CNTNAP2: variants seen among roughly 807,000 people sequenced by gnomAD.
CNTNAP2 encodes the protein contactin associated protein 2, also known as contactin-associated protein-like 2.
In CNTNAP2, 98 loss-of-function variants were observed where a neutral mutation model predicts 155.2. The observed-to-expected ratio is 0.63, with a 90% CI of 0.54 to 0.75. The LOEUF (loss-of-function observed/expected upper bound fraction) is 0.75. Ranked by LOEUF, CNTNAP2 falls within the 30% of genes least tolerant of loss-of-function variation. CNTNAP2 has a pLI of 0.00. For synonymous variants in CNTNAP2, 651 were observed against 631.2 expected, an observed-to-expected ratio of 1.03 and a Z score of -0.47; for missense variants, 1,727 against 1,688.1, an observed-to-expected ratio of 1.02 and a Z score of -0.40.
At chr7:146,503,048 G>GT (rs538577734) in intron 1 of CNTNAP2, among the ~76,000 whole-genome samples, 161 of 152,162 alleles carry the variant, frequency 1.1e-3, no homozygotes, top group Middle Eastern at 3.4e-3. Context: ...TAAAATCGGA[G>GT]TTTTTTTATT....
At chr7:147,213,440 A>G (rs1310930682) in intron 8 of CNTNAP2, among the ~76,000 whole-genome samples, 1 of 152,124 alleles carries the variant, frequency 6.6e-6, no homozygotes, top group Non-Finnish European at 1.5e-5. Context: ...AGTTGAGTTG[A>G]CACATCAAAC....
chr7:148,096,506 T>G (rs1422437742), intron 15 of CNTNAP2, among the ~76,000 whole-genome samples: 1 of 152,084 alleles, frequency 6.6e-6, no homozygotes, highest in Non-Finnish European at 1.5e-5. Flanking sequence ...TTTTCAGGAA[T>G]CCCTTATTAA....
At chr7:146,763,300 C>T (rs1280673538) in intron 1 of CNTNAP2, among the ~76,000 whole-genome samples, 1 of 152,114 alleles carries the variant, frequency 6.6e-6, no homozygotes, top group Admixed American at 6.5e-5. Context: ...GGCTTGTTCT[C>T]TCTTTTCCAT....
chr7:146,844,655 C>T lies in CNTNAP2; in HGVS notation c.402+4751C>T, dbSNP rs536072214. Among the ~76,000 whole-genome samples, 26 of 152,122 alleles carry T rather than the reference C, an allele frequency of 1.7e-4. No individual in the cohort carries two copies. The South Asian group carries it at 4.6e-3, about 27-fold the overall frequency. On this transcript the variant is annotated intron_variant, in intron 3 of 23. Transcript: ENST00000361727. ...TTACTGGATTTTGAATGCAGATATT[C>T]GGAGCCAAAATAGGAAACTGGAGTA...
At chr7:147,557,929 A>G (rs1799982474) in intron 11 of CNTNAP2, among the ~76,000 whole-genome samples, 1 of 152,204 alleles carries the variant, frequency 6.6e-6, no homozygotes, top group South Asian at 2.1e-4. Flanking sequence ...CAGGCGGTAA[A>G]TGACAGAAAG....
At chr7:146,460,200 T>C (rs1472791436) in intron 1 of CNTNAP2, among the ~76,000 whole-genome samples, 3 of 152,206 alleles carry the variant, frequency 2.0e-5, no homozygotes, top group Non-Finnish European at 1.5e-5. Context: ...GAATGAAGTC[T>C]AGCTTCACAG....
chr7:146,503,015 C>T (rs1236274846), intron 1 of CNTNAP2, among the ~76,000 whole-genome samples: 1 of 152,124 alleles, frequency 6.6e-6, no homozygotes, highest in Admixed American at 6.5e-5. Context: ...TGAGAAATTT[C>T]TAGTCAGATC....
chr7:147,520,148 G>T (rs1429500196), intron 11 of CNTNAP2, among the ~76,000 whole-genome samples: 1 of 152,182 alleles, frequency 6.6e-6, no homozygotes, highest in East Asian at 1.9e-4. Context: ...AGAAGCCAGA[G>T]TGTGAAAACT....
At chr7:147,125,319 T>C (rs1801210801) in intron 6 of CNTNAP2, among the ~76,000 whole-genome samples, 1 of 152,162 alleles carries the variant, frequency 6.6e-6, no homozygotes, top group Non-Finnish European at 1.5e-5. Context: ...CCGGCATATA[T>C]GGACATTTTT....
At chr7:146,908,534 C>G (rs1191626820) in intron 3 of CNTNAP2, among the ~76,000 whole-genome samples, 2 of 133,770 alleles carry the variant, frequency 1.5e-5, no homozygotes, top group African/African-American at 5.8e-5. Flanking sequence ...AACTGAACAA[C>G]CTGCTCCTGA....
At chr7:147,490,969 T>C (rs952325937) in intron 11 of CNTNAP2, among the ~76,000 whole-genome samples, 2 of 152,210 alleles carry the variant, frequency 1.3e-5, no homozygotes, top group South Asian at 2.1e-4. Flanking sequence ...GAGAATAGCA[T>C]GGAGGAACTT....
At chr7:148,003,145 G>A (rs1019799499) in intron 15 of CNTNAP2, among the ~76,000 whole-genome samples, 3 of 152,114 alleles carry the variant, frequency 2.0e-5, no homozygotes, top group Non-Finnish European at 4.4e-5. Flanking sequence ...TTCTCAAGGA[G>A]CATCAACCTC....
At chr7:147,973,160 T>TAA (rs35756000) in intron 14 of CNTNAP2, among the ~76,000 whole-genome samples, 9,176 of 120,560 alleles carry the variant, frequency 0.076, 518 homozygotes, top group Non-Finnish European at 0.1. Context: ...TCTCTAAAAT[T>TAA]AAAAAAAAAA....
chr7:148,136,597 A>G (rs951192558), intron 16 of CNTNAP2, among the ~76,000 whole-genome samples: 3 of 152,190 alleles, frequency 2.0e-5, no homozygotes, highest in African/African-American at 7.2e-5. Flanking sequence ...ATAGCAAGGC[A>G]AAATGGACTA....
intron 13 of CNTNAP2, among the ~76,000 whole-genome samples, chr7:147,884,536 T>C (rs535108765): frequency 2.0e-5 from 3 of 152,142 alleles, no homozygotes; most frequent in African/African-American, 7.2e-5. Flanking sequence ...TGAAGAGCTT[T>C]GAAGAATTGC....
chr7:146,759,681 C>CAAAAAAAAAAAAAAAAA (rs376817827), intron 1 of CNTNAP2, among the ~76,000 whole-genome samples: 4 of 54,600 alleles, frequency 7.3e-5, no homozygotes, highest in African/African-American at 1.2e-4. Flanking sequence ...GTGAGACTGT[C>CAAAAAAAAAAAAAAAAA]AAAAAAAAAA....
intron 13 of CNTNAP2, among the ~76,000 whole-genome samples, chr7:147,738,845 G>T (rs1167859112): frequency 1.3e-5 from 2 of 151,872 alleles, no homozygotes; most frequent in Non-Finnish European, 2.9e-5. Context: ...AGTACAGACA[G>T]GGTTTCGCCA....
At chr7:148,217,899 C>T (rs543053171) in intron 19 of CNTNAP2, among the ~76,000 whole-genome samples, 20 of 152,174 alleles carry the variant, frequency 1.3e-4, no homozygotes, top group Non-Finnish European at 1.0e-4. Flanking sequence ...CCAAGGTGGG[C>T]GGATCACTTG....
At chr7:146,836,153 C>A (rs1217035717) in intron 2 of CNTNAP2, among the ~76,000 whole-genome samples, 3 of 152,068 alleles carry the variant, frequency 2.0e-5, no homozygotes, top group Non-Finnish European at 4.4e-5. Context: ...ACCCATATAA[C>A]CTATGCAAAC....
Sources: gnomAD v4.1 joint callset for allele counts (sites outside exome capture counted in the v4.1 genomes callset) on GRCh38, gnomAD v4.1.1 for gene constraint, MANE v1.5 for transcripts, NCBI Gene and HGNC (gene_info 2026-07-23, HGNC 2026-07-21) for gene names.